SDK2: variants seen among roughly 807,000 people sequenced by gnomAD.
SDK2 encodes protein sidekick-2.
In SDK2, 105 loss-of-function variants were observed where a neutral mutation model predicts 253.9. That is an observed-to-expected ratio of 0.41 (90% CI 0.35 to 0.49). The LOEUF (loss-of-function observed/expected upper bound fraction) is 0.49. SDK2 is among the 20% of genes least tolerant of loss of function. The pLI is 0.06. For missense variants in SDK2, 2,608 were observed against 3,003.0 expected (o/e 0.87, Z 3.07); for synonymous variants, 1,249 against 1,234.9 (o/e 1.01, Z -0.24).
At position 73,541,497 on chromosome 17, in the gene SDK2, C is replaced by A. The variant is rs1366969217; in HGVS notation, c.65-33900G>T. 3.9e-5 allele frequency among the ~76,000 whole-genome samples: 6 copies of A among 152,042 alleles called. No individual in the cohort carries two copies. The highest frequency in any genetic ancestry group is 8.8e-5 in the Non-Finnish European group (6 of 68,002). ...CTATCTTAGCAGGGCAATACCGCAC[C>A]ACCCCCATTTCACAGACAAGGACCC... On this transcript the variant is annotated intron_variant, in intron 1 of 44. Transcript: ENST00000392650. This position sits in a 1 kb window ranked among gnomAD's most constrained non-coding sequence, Gnocchi z 4.3.
At chr17:73,462,171 G>T (rs1161932760) in intron 3 of SDK2, among the ~76,000 whole-genome samples, 1 of 152,070 alleles carries the variant, frequency 6.6e-6, no homozygotes, top group Non-Finnish European at 1.5e-5. Context: ...TTACATATAT[G>T]TGTACATGTA....
intron 1 of SDK2, among the ~76,000 whole-genome samples, chr17:73,529,668 G>A (rs903247315): frequency 6.6e-6 from 1 of 152,182 alleles, no homozygotes; most frequent in East Asian, 1.9e-4. Context: ...GACACACGGG[G>A]AAGATGACCA....
rs1262028189 is a variant in SDK2 at position 73,618,623 on chromosome 17, G to T, written c.64+25402C>A. Among the ~76,000 whole-genome samples the T allele has an allele frequency of 6.6e-6, 1 of 152,168 alleles. No homozygotes were observed. Among genetic ancestry groups the T allele is most frequent in the Admixed American group, 6.5e-5 (1 of 15,278 alleles). On this transcript the variant is annotated intron_variant, in intron 1 of 44. Coordinates refer to ENST00000392650, the MANE Select transcript of SDK2 (RefSeq NM_001144952.2). This position sits in a 1 kb window ranked among gnomAD's most constrained non-coding sequence, Gnocchi z 4.1. ...TCCCTTTGGAATCTAGAGTCCACGT[G>T]GTGCCCAAGAACGGCATGGGGGAGT...
At chr17:73,637,900 G>A (rs1276424415) in intron 1 of SDK2, among the ~76,000 whole-genome samples, 1 of 152,210 alleles carries the variant, frequency 6.6e-6, no homozygotes, top group Admixed American at 6.5e-5. Context: ...CTGCTAAGAG[G>A]CAGATTCATC....
At chr17:73,641,524 C>A (rs11077697) in intron 1 of SDK2, among the ~76,000 whole-genome samples, 152,141 of 152,210 alleles carry the variant, frequency 1, 76,036 homozygotes, top group Middle Eastern at 1. Flanking sequence ...GGGCATACGG[C>A]CAATGGTCAA....
chr17:73,357,509 T>C (rs2062601630), intron 40 of SDK2: 1 of 203,996 alleles, frequency 4.9e-6, no homozygotes, highest in African/African-American at 2.4e-5. Flanking sequence ...TGCAAGCTCC[T>C]GAGAGTAAGC....
intron 1 of SDK2, among the ~76,000 whole-genome samples, chr17:73,577,968 C>T (rs550783979): frequency 2.4e-4 from 36 of 151,968 alleles, no homozygotes; most frequent in African/African-American, 8.7e-4. Context: ...GAGTGAGTGT[C>T]AGAACGACGT....
chr17:73,355,948 T>C (rs946194904), intron 40 of SDK2, among the ~76,000 whole-genome samples: 1 of 152,222 alleles, frequency 6.6e-6, no homozygotes, highest in East Asian at 1.9e-4. Context: ...ATGATGATGA[T>C]GACGGTGACA....
chr17:73,564,263 A>T (rs1267002207), intron 1 of SDK2, among the ~76,000 whole-genome samples: 1 of 152,234 alleles, frequency 6.6e-6, no homozygotes, highest in Non-Finnish European at 1.5e-5. Context: ...CTGGCCACAT[A>T]TGGCTAGTGA....
chr17:73,643,958 C>A lies in SDK2; in HGVS notation c.64+67G>T. On this transcript the variant is annotated intron_variant, in intron 1 of 44. Transcript: ENST00000392650. This position sits in a 1 kb window ranked among gnomAD's most constrained non-coding sequence, Gnocchi z 6.9. Reference sequence around the variant, plus strand: ...GAGGTCACCGTGAGGCCGGCCAGCTCCCGCCGCCCCTCCCCCGCCCACTCT... The same window carrying A: ...GAGGTCACCGTGAGGCCGGCCAGCTACCGCCGCCCCTCCCCCGCCCACTCT... The A allele has an allele frequency of 7.6e-6, 6 of 794,222 alleles. No individual in the cohort carries two copies. Among genetic ancestry groups the A allele is most frequent in the East Asian group, 5.8e-5 (2 of 34,416 alleles). The allele number at this position is 794,222 out of a possible 1,614,324, so 49.2% of individuals were successfully genotyped here.
chr17:73,372,220 G>C (rs1365410490), intron 36 of SDK2, among the ~76,000 whole-genome samples: 1 of 152,208 alleles, frequency 6.6e-6, no homozygotes, highest in Non-Finnish European at 1.5e-5. Context: ...ATGATTCACA[G>C]TGAGAGGGAC....
chr17:73,542,941 C>T (rs911896248), intron 1 of SDK2, among the ~76,000 whole-genome samples: 9 of 152,116 alleles, frequency 5.9e-5, no homozygotes, highest in Non-Finnish European at 1.3e-4. Flanking sequence ...CCCTGGAGAG[C>T]GAGACTCGGA....
intron 1 of SDK2, among the ~76,000 whole-genome samples, chr17:73,545,093 G>A (rs1275785096): frequency 3.6e-5 from 3 of 82,292 alleles, no homozygotes; most frequent in South Asian, 3.6e-4. Context: ...TTGCGTGCAC[G>A]TGCACGCACA....
intron 1 of SDK2, among the ~76,000 whole-genome samples, chr17:73,624,076 C>CTGGAGCAGGA (rs1338637198): frequency 6.6e-6 from 1 of 152,200 alleles, no homozygotes; most frequent in Non-Finnish European, 1.5e-5. Context: ...TCACTGCTGG[C>CTGGAGCAGGA]TGGAGCAGGA....
intron 30 of SDK2, 145 bp from the exon 31 acceptor site, chr17:73,386,693 T>A: frequency 1.6e-6 from 1 of 626,590 alleles, no homozygotes; most frequent in Non-Finnish European, 2.8e-6. Context: ...ACACTGAGGC[T>A]CAGAAAGGAG....
rs367933142 is a variant in SDK2 at position 73,435,401 on chromosome 17, G to A, written c.1195+49C>T. Reference sequence around the variant, plus strand: ...TCGGAAGACCTTGGAAGAAAGCTGCGTCCTGGGAAGAGGGGCTCACGGGCA... The same window carrying A: ...TCGGAAGACCTTGGAAGAAAGCTGCATCCTGGGAAGAGGGGCTCACGGGCA... On this transcript the variant is annotated intron_variant, in intron 9 of 44. Coordinates refer to ENST00000392650, the MANE Select transcript of SDK2 (RefSeq NM_001144952.2). The surrounding 1 kb of genome is among the most constrained non-coding windows in gnomAD (Gnocchi z 5.7). 26 of 1,509,430 alleles carry A rather than the reference G, an allele frequency of 1.7e-5. No homozygotes were observed. Among genetic ancestry groups the A allele is most frequent in the Admixed American group, 4.0e-5 (2 of 49,774 alleles). The allele number at this position is 1,509,430 out of a possible 1,614,324, so 93.5% of individuals were successfully genotyped here. A position where few individuals can be genotyped will look rare whatever the true frequency, so the allele number is the denominator to read the frequency against.
At chr17:73,364,956 T>C (rs1237601198) in intron 38 of SDK2, among the ~76,000 whole-genome samples, 2 of 152,188 alleles carry the variant, frequency 1.3e-5, no homozygotes, top group Non-Finnish European at 2.9e-5. Context: ...CAGAGCCCTG[T>C]CCACTCAGGT....
intron 1 of SDK2, among the ~76,000 whole-genome samples, chr17:73,543,366 G>C (rs1200892349): frequency 6.6e-6 from 1 of 152,166 alleles, no homozygotes; most frequent in Admixed American, 6.5e-5. Flanking sequence ...ACCAGGGCAG[G>C]TGCCATGCCG....
intron 18 of SDK2, among the ~76,000 whole-genome samples, chr17:73,411,631 C>T (rs561487079): frequency 1.4e-4 from 22 of 152,172 alleles, no homozygotes; most frequent in African/African-American, 5.1e-4. Context: ...CTTTAGTCCT[C>T]CGTGGGGAGG....
Sources: gnomAD v4.1 joint callset for allele counts (sites outside exome capture counted in the v4.1 genomes callset) on GRCh38, gnomAD v4.1.1 for gene constraint, Gnocchi (gnomAD v3.1) non-coding constraint, MANE v1.5 for transcripts, NCBI Gene and HGNC (gene_info 2026-07-23, HGNC 2026-07-21) for gene names.